Variants in FANCD2OS observed in about 807,000 individuals in gnomAD.
FANCD2OS encodes the protein FANCD2 opposite strand.
FANCD2OS carries 11 observed loss-of-function variants against 13.2 expected under a neutral mutation model. The observed-to-expected ratio is 0.83, with a 90% CI of 0.52 to 1.38. The LOEUF is 1.38. Ranked by LOEUF, FANCD2OS falls within the 40% of genes most tolerant of loss-of-function variation. The pLI is 0.00. For synonymous variants in FANCD2OS, 69 were observed against 84.5 expected, an observed-to-expected ratio of 0.82 and a Z score of 1.01; for missense variants, 217 against 213.9, an observed-to-expected ratio of 1.01 and a Z score of -0.09.
At chr3:10,095,249 T>C (rs997433056) in intron 2 of FANCD2OS, 1 of 1,614,030 alleles carries the variant, frequency 6.2e-7, no homozygotes, top group African/African-American at 1.3e-5. Flanking sequence ...ACAAGGCTGC[T>C]TCATCACCTG....
Position 10,087,216 on chromosome 3 carries a change from G to A in FANCD2OS, c.*44-5685C>T, listed in dbSNP as rs988476435. On this transcript the variant is annotated intron_variant, in intron 2 of 2. Transcript: ENST00000524279. ...TCTTTATCTCATCAGACTTTTGATG[G>A]TTATTTTGGAGAAATCAACAGCTTC... is the stretch of plus-strand genomic sequence containing the variant. 1.2e-6 allele frequency: 2 copies of A among 1,609,640 alleles called. No individual in the cohort carries two copies. Among genetic ancestry groups the A allele is most frequent in the African/African-American group, 2.7e-5 (2 of 73,800 alleles).
intron 2 of FANCD2OS, among the ~76,000 whole-genome samples, chr3:10,089,234 G>A (rs1050926279): frequency 4.0e-5 from 6 of 151,772 alleles, no homozygotes; most frequent in Non-Finnish European, 7.4e-5. Flanking sequence ...GCAGTGAGCC[G>A]GGATCGCGCC....
chr3:10,101,834 G>A (rs1335157263), downstream of FANCD2OS: 1 of 192,266 alleles, frequency 5.2e-6, no homozygotes, highest in Non-Finnish European at 1.1e-5. Flanking sequence ...AAATCTCTGA[G>A]TCATGATTCT....
downstream of FANCD2OS, chr3:10,101,370 TGTTCCTC>T: frequency 1.3e-6 from 1 of 751,922 alleles, no homozygotes; most frequent in Non-Finnish European, 2.2e-6. Context: ...GATCCTTTTT[TGTTCCTC>T]TTTTTTTTTT....
chr3:10,107,040 G>C (rs908772480), intron 1 of FANCD2OS, among the ~76,000 whole-genome samples: 3 of 152,170 alleles, frequency 2.0e-5, no homozygotes, highest in Non-Finnish European at 4.4e-5. Context: ...AAAGTACTAA[G>C]TGTTCAAATA....
Position 10,104,528 on chromosome 3 carries a change from T to A in FANCD2OS, c.247A>T (p.Asn83Tyr). 3.1e-6 allele frequency: 5 copies of A among 1,614,178 alleles called. No homozygotes were observed. The highest frequency in any genetic ancestry group is 4.2e-6 in the Non-Finnish European group (5 of 1,180,028). The change falls in exon 2 of 2, where the codon AAC becomes TAC. Residue 83 changes from asparagine to tyrosine, a missense_variant. Asn to Tyr is a moderately radical substitution (Grantham distance 143). Coordinates refer to ENST00000450660, the MANE Select transcript of FANCD2OS (RefSeq NM_001164839.2). The part of the protein sequence containing the change: ...PCHTSELRTM[N>Y]NKGLVRKPQP... ...GGCTTCCTGACCAGTCCTTTGTTGT[T>A]CATCGTGCGCAACTCTGATGTGTGG...
downstream of FANCD2OS, among the ~76,000 whole-genome samples, chr3:10,098,078 C>G (rs1017938292): frequency 3.3e-5 from 5 of 152,002 alleles, no homozygotes; most frequent in Non-Finnish European, 5.9e-5. Flanking sequence ...GTAGTATAAG[C>G]CCTTTTCTTT....
At chr3:10,090,443 ATTTTTTTTTTTTTTTT>A (rs773716319) in intron 2 of FANCD2OS, 9 of 342,310 alleles carry the variant, frequency 2.6e-5, no homozygotes, top group Non-Finnish European at 4.1e-5. Context: ...GAAGTTGCTG[ATTTTTTTTTTTTTTTT>A]TTTTTTTTTT....
rs768087156 is a variant in FANCD2OS, at chr3:10,094,361, C to T, written c.*43+9837G>A. The T allele has an allele frequency of 5.0e-6, 8 of 1,612,130 alleles. No individual in the cohort carries two copies. In the Admixed American group the frequency reaches 6.7e-5, roughly 13 times the overall value. ...CCTAGACTTCAGTTTTAGAAAACACCGGGTAAGAGCTAAGAGCAGAGAACA... is the reference window on the plus strand; with the variant it reads ...CCTAGACTTCAGTTTTAGAAAACACTGGGTAAGAGCTAAGAGCAGAGAACA... On this transcript the variant is annotated intron_variant, in intron 2 of 2. Coordinates refer to the FANCD2OS transcript ENST00000524279.
Position 10,104,145 on chromosome 3 carries a change from A to C in FANCD2OS, c.*96T>G. ...GAAACAAAAGCAAGATGGCTGGGAC[A>C]ATGTCACAGTTTCATTTACATGGAC... is the stretch of plus-strand genomic sequence containing the variant. On this transcript the variant is annotated 3_prime_UTR_variant, in exon 2 of 2. Transcript: ENST00000450660. The C allele has an allele frequency of 8.7e-7, 1 of 1,151,362 alleles. No individual in the cohort carries two copies. Among genetic ancestry groups the C allele is most frequent in the Non-Finnish European group, 1.2e-6 (1 of 825,128 alleles). The allele number at this position is 1,151,362 out of a possible 1,614,324, so 71.3% of individuals were successfully genotyped here.
chr3:10,095,002 C>A, intron 2 of FANCD2OS: 1 of 609,536 alleles, frequency 1.6e-6, no homozygotes, highest in Non-Finnish European at 3.0e-6. Context: ...CAGATTGATA[C>A]AAGGGACAGA....
chr3:10,081,557 G>C (rs756389891), intron 2 of FANCD2OS: 5 of 929,326 alleles, frequency 5.4e-6, no homozygotes, highest in African/African-American at 3.2e-5. Context: ...GAAAGAAAAG[G>C]TTCAAAAATC....
At chr3:10,090,511 G>A (rs902397199) in intron 2 of FANCD2OS, 1 of 630,440 alleles carries the variant, frequency 1.6e-6, no homozygotes, top group African/African-American at 2.0e-5. Context: ...CCAGACTGGA[G>A]TGCAGTGGCA....
At chr3:10,093,926 A>G (rs1694803128) in intron 2 of FANCD2OS, among the ~76,000 whole-genome samples, 1 of 152,120 alleles carries the variant, frequency 6.6e-6, no homozygotes, top group Non-Finnish European at 1.5e-5. Context: ...TCTGATTGGG[A>G]AATTTAGAAA....
rs201022120 is a variant in FANCD2OS, at chr3:10,083,907, AG to A, written c.*44-2377del. Among the ~76,000 whole-genome samples the A allele has an allele frequency of 8.3e-3, 1,237 of 149,454 alleles. 13 individuals carry two copies. Among genetic ancestry groups the A allele is most frequent in the Non-Finnish European group, 0.013 (892 of 67,268 alleles). ...CGTCTCAAAAAAAAAAAAAAAAAAA[AG>A]GTATGTCCACCAGGGTCTGGTACAG... On this transcript the variant is annotated intron_variant, in intron 2 of 2. Coordinates refer to the FANCD2OS transcript ENST00000524279.
chr3:10,090,471 T>TTTC (rs1694528043), intron 2 of FANCD2OS: 2 of 808,324 alleles, frequency 2.5e-6, no homozygotes, highest in African/African-American at 4.3e-5. Flanking sequence ...TTTTTTTTTT[T>TTTC]CTGAGACAGA....
chr3:10,094,254 TC>T lies in FANCD2OS; in HGVS notation c.*43+9943del, dbSNP rs1694820655. ...CTCAGGGGCCTTTCAGTGAGATACCTCAGCTAGAGGTAACAGTGTGTCTCTC... is the reference window on the plus strand; with the variant it reads ...CTCAGGGGCCTTTCAGTGAGATACCTAGCTAGAGGTAACAGTGTGTCTCTC... On this transcript the variant is annotated intron_variant, in intron 2 of 2. Transcript: ENST00000524279. 3 of 1,572,920 alleles carry T rather than the reference TC, an allele frequency of 1.9e-6. No individual in the cohort carries two copies. In the South Asian group the frequency reaches 3.3e-5, roughly 17 times the overall value.
rs1007481549 is a variant in FANCD2OS, at chr3:10,088,543, G to A, written c.*44-7012C>T. On this transcript the variant is annotated intron_variant, in intron 2 of 2. Transcript: ENST00000524279. ...ATGACCAGCTCCATGCTCTGCTCTG[G>A]TGAGATGTTTGGTTTCTTCCAATGA... 11 of 1,593,552 alleles carry A rather than the reference G, an allele frequency of 6.9e-6. No homozygotes were observed. The highest frequency in any genetic ancestry group is 7.8e-6 in the Non-Finnish European group (9 of 1,161,280).
At chr3:10,082,859 T>C (rs1339849688) in intron 2 of FANCD2OS, among the ~76,000 whole-genome samples, 2 of 152,216 alleles carry the variant, frequency 1.3e-5, no homozygotes, top group Admixed American at 6.6e-5. Flanking sequence ...CATTTTTATA[T>C]CCTCATTACT....
Sources: gnomAD v4.1 joint callset for allele counts (sites outside exome capture counted in the v4.1 genomes callset) on GRCh38, gnomAD v4.1.1 for gene constraint, MANE v1.5 for transcripts, NCBI Gene and HGNC (gene_info 2026-07-23, HGNC 2026-07-21) for gene names.